WNK1: variants seen among roughly 807,000 people sequenced by gnomAD.
The protein encoded by WNK1 is WNK lysine deficient protein kinase 1.
Under a neutral mutation model 222.8 loss-of-function variants are expected in WNK1, and 38 were observed. The observed-to-expected ratio is 0.17, with a 90% CI of 0.13 to 0.22. The LOEUF (loss-of-function observed/expected upper bound fraction) is 0.22, where lower values mean the gene tolerates loss of function less well. Ranked by LOEUF, WNK1 falls within the 10% of genes least tolerant of loss-of-function variation. WNK1 has a pLI of 1.00. For synonymous variants in WNK1, 1,090 were observed against 1,092.9 expected (o/e 1.00, Z 0.05); for missense variants, 2,348 against 2,918.4 (o/e 0.80, Z 4.50).
chr12:798,353 G>A (rs956475493), intron 1 of WNK1, among the ~76,000 whole-genome samples: 1 of 151,840 alleles, frequency 6.6e-6, no homozygotes, highest in Non-Finnish European at 1.5e-5. Context: ...CACCACGCCC[G>A]GCTAATTTTT....
At chr12:834,546 C>T (rs1949037701) in intron 4 of WNK1, among the ~76,000 whole-genome samples, 1 of 152,022 alleles carries the variant, frequency 6.6e-6, no homozygotes, top group Non-Finnish European at 1.5e-5. Flanking sequence ...AAGGTTTTCT[C>T]CTGAGGTAAG....
At chr12:793,904 AAAG>A (rs1429171158) in intron 1 of WNK1, among the ~76,000 whole-genome samples, 11 of 152,164 alleles carry the variant, frequency 7.2e-5, no homozygotes, top group Admixed American at 7.2e-4. Context: ...CTCCAAAAAA[AAAG>A]AAAACTCCAT....
At position 897,585 on chromosome 12, in the gene WNK1, G is replaced by C; in HGVS notation, c.6352G>C (p.Ala2118Pro). 6.2e-7 allele frequency: 1 copy of C among 1,614,124 alleles called. No homozygotes were observed. Among genetic ancestry groups the C allele is most frequent in the Non-Finnish European group, 8.5e-7 (1 of 1,179,970 alleles). ...VPPAVIIPPA[A>P]PLSGRRRRPT... ...CCCTGCTGTTATTATTCCCCCAGCTGCTCCCCTTTCAGGGAGAAGACGACG... is the reference window on the plus strand; with the variant it reads ...CCCTGCTGTTATTATTCCCCCAGCTCCTCCCCTTTCAGGGAGAAGACGACG... The change falls in exon 25 of 28, where the codon GCT becomes CCT. Residue 2118 changes from alanine (A) to proline (P), a missense_variant. This residue lies in a region of WNK1 where 1,144 missense variants were observed against 1,273.6 expected (regional missense o/e 0.90). Transcript: ENST00000315939.
intron 25 of WNK1, among the ~76,000 whole-genome samples, chr12:898,499 A>G (rs1261733052): frequency 1.3e-5 from 2 of 149,550 alleles, no homozygotes; most frequent in Non-Finnish European, 3.0e-5. Context: ...AAAAAAAAAA[A>G]GAAGAACTTG....
At chr12:854,355 C>CTTTTT (rs765372764) in intron 4 of WNK1, among the ~76,000 whole-genome samples, 5,552 of 97,618 alleles carry the variant, frequency 0.057, 732 homozygotes, top group African/African-American at 0.074. Context: ...TTATCATTAT[C>CTTTTT]TTTTTTTTTT....
chr12:872,603 T>C (rs1403687486), intron 9 of WNK1, among the ~76,000 whole-genome samples: 1 of 152,242 alleles, frequency 6.6e-6, no homozygotes, highest in Non-Finnish European at 1.5e-5. Flanking sequence ...AAGGGAATAA[T>C]GCATTTTTGG....
intron 6 of WNK1, 145 bp downstream of exon 6, chr12:859,609 T>G (rs1951037571): frequency 5.1e-6 from 3 of 592,332 alleles, no homozygotes; most frequent in East Asian, 5.8e-5. Flanking sequence ...TATCTTTGAT[T>G]AGTGGGATTT....
chr12:890,978 A>C (rs989785388), intron 22 of WNK1, among the ~76,000 whole-genome samples: 2 of 152,234 alleles, frequency 1.3e-5, no homozygotes, highest in Non-Finnish European at 2.9e-5. Flanking sequence ...AGTGATTTGC[A>C]AATCATTAGA....
rs570696552 is a variant in WNK1, at chr12:877,998, A to G, written c.2224-214A>G. 53 of 605,216 alleles carry G rather than the reference A, an allele frequency of 8.8e-5. No individual in the cohort carries two copies. In the South Asian group the frequency reaches 1.0e-3, roughly 11 times the overall value. 37.5% of individuals were successfully genotyped at this position (605,216 alleles called of 1,614,324 possible). ...GAGCCAATGGTAACTTGAGTATTAAAAGATTGGTTAATTTTTCCTGGTGGC... is the reference window on the plus strand; with the variant it reads ...GAGCCAATGGTAACTTGAGTATTAAGAGATTGGTTAATTTTTCCTGGTGGC... On this transcript the variant is annotated intron_variant, in intron 9 of 27. Coordinates refer to ENST00000315939, the MANE Select transcript of WNK1 (RefSeq NM_018979.4).
chr12:892,880 C>A (rs1186531974), intron 22 of WNK1, among the ~76,000 whole-genome samples: 1 of 152,102 alleles, frequency 6.6e-6, no homozygotes, highest in African/African-American at 2.4e-5. Context: ...CTACTACAGT[C>A]TTAAATGGAA....
chr12:903,042 C>T (rs1400124765), intron 26 of WNK1, among the ~76,000 whole-genome samples: 1 of 152,192 alleles, frequency 6.6e-6, no homozygotes, highest in African/African-American at 2.4e-5. Flanking sequence ...GAAGAATTTA[C>T]AACCTCCCTT....
Position 860,999 on chromosome 12 carries a change from C to T in WNK1, c.1621-14C>T, listed in dbSNP as rs2154065724. ...TCAATATACTACTGCTTAATTTACCCTTTTATTCTGTAGGTAGAGTCTGGG... is the reference window on the plus strand; with the variant it reads ...TCAATATACTACTGCTTAATTTACCTTTTTATTCTGTAGGTAGAGTCTGGG... On this transcript the variant is annotated splice_polypyrimidine_tract_variant and intron_variant, in intron 6 of 27. Transcript: ENST00000315939. 1 of 1,612,416 alleles carries T rather than the reference C, an allele frequency of 6.2e-7. No individual in the cohort carries two copies. The highest frequency in any genetic ancestry group is 1.3e-5 in the African/African-American group (1 of 74,806).
chr12:759,243 ACC>A lies in WNK1; in HGVS notation c.759+4920_759+4921del, dbSNP rs961833490. The stretch of plus-strand genomic sequence containing the variant: ...GCATACTATGAAATAATTCATAATT[ACC>A]GTTAGTACACCTTTGCTATACCAGT... On this transcript the variant is annotated intron_variant, in intron 1 of 27. Coordinates refer to ENST00000315939, the MANE Select transcript of WNK1 (RefSeq NM_018979.4). Among the ~76,000 whole-genome samples the A allele has an allele frequency of 6.8e-5, 10 of 147,348 alleles. 2 individuals carry two copies. The highest frequency in any genetic ancestry group is 2.7e-4 in the Admixed American group (4 of 14,852).
intron 1 of WNK1, among the ~76,000 whole-genome samples, chr12:812,903 G>C (rs1258246514): frequency 6.6e-6 from 1 of 152,020 alleles, no homozygotes; most frequent in South Asian, 2.1e-4. Context: ...GAATTTTCCT[G>C]ACTTGAAGAC....
Position 911,272 on chromosome 12 carries a change from ACT to A in WNK1, c.*2481_*2482del, listed in dbSNP as rs1257843816. ...TTCCTTACATTATTTAACAATGTAC[ACT>A]GTTAAAAATAAAAATAAAAATTCAA... On this transcript the variant is annotated 3_prime_UTR_variant, in exon 28 of 28. Transcript: ENST00000315939. The A allele has an allele frequency of 1.3e-5, 5 of 398,606 alleles. No individual in the cohort carries two copies. Among genetic ancestry groups the A allele is most frequent in the Non-Finnish European group, 2.2e-5 (5 of 226,060 alleles). The allele number at this position is 398,606 out of a possible 1,614,324, so 24.7% of individuals were successfully genotyped here. A position where few individuals can be genotyped will look rare whatever the true frequency, so the allele number is the denominator to read the frequency against.
intron 1 of WNK1, among the ~76,000 whole-genome samples, chr12:799,975 A>G (rs762165589): frequency 2.0e-5 from 3 of 152,040 alleles, no homozygotes; most frequent in Admixed American, 6.6e-5. Flanking sequence ...CGCTTGTCCT[A>G]CAAAAATTTT....
intron 1 of WNK1, among the ~76,000 whole-genome samples, chr12:758,018 G>A (rs2153909193): frequency 7.4e-6 from 1 of 135,264 alleles, no homozygotes; most frequent in Non-Finnish European, 1.6e-5. Context: ...CTGGGTGACA[G>A]GGTGAGACTC....
intron 2 of WNK1, among the ~76,000 whole-genome samples, chr12:821,042 G>GTTTTTTTT (rs60880879): frequency 1.1e-4 from 9 of 79,110 alleles, no homozygotes; most frequent in African/African-American, 2.0e-4. Context: ...AGTTTCTTGA[G>GTTTTTTTT]TTTTTTTTTT....
chr12:900,925 C>G lies in WNK1; in HGVS notation c.6643+255C>G, dbSNP rs1340210017. 9 of 529,414 alleles carry G rather than the reference C, an allele frequency of 1.7e-5. No individual in the cohort carries two copies. In the East Asian group the frequency reaches 2.8e-4, roughly 16 times the overall value. 32.8% of individuals were successfully genotyped at this position (529,414 alleles called of 1,614,324 possible). ...ACATCTGTGTGGCCTATATGACTTGCTCATTTGGGATTTGGAACTTAGGCT... is the reference window on the plus strand; with the variant it reads ...ACATCTGTGTGGCCTATATGACTTGGTCATTTGGGATTTGGAACTTAGGCT... On this transcript the variant is annotated intron_variant, in intron 26 of 27. Coordinates refer to ENST00000315939, the MANE Select transcript of WNK1 (RefSeq NM_018979.4).
Sources: allele counts gnomAD v4.1 joint callset (sites outside exome capture counted in the v4.1 genomes callset), GRCh38; gene constraint gnomAD v4.1.1; regional missense constraint gnomAD v4.1.1; transcripts MANE v1.5; gene names NCBI Gene and HGNC (gene_info 2026-07-23, HGNC 2026-07-21).